PRKN: variants seen among roughly 807,000 people sequenced by gnomAD.
The protein encoded by PRKN is parkin RBR E3 ubiquitin protein ligase.
In PRKN, 56 loss-of-function variants were observed where a neutral mutation model predicts 59.5. The observed-to-expected ratio is 0.94, with a 90% CI of 0.76 to 1.18. The LOEUF (loss-of-function observed/expected upper bound fraction) is 1.18, where lower values mean the gene tolerates loss of function less well. Among genes scored for constraint, PRKN ranks in the 50% most tolerant of loss-of-function variants. The pLI is 0.00. For missense variants in PRKN, 657 were observed against 596.4 expected, an observed-to-expected ratio of 1.10 and a Z score of -1.06; for synonymous variants, 250 against 222.1, an observed-to-expected ratio of 1.13 and a Z score of -1.12.
At position 162,607,986 on chromosome 6, in the gene PRKN, A is replaced by G. The variant is rs138816003; in HGVS notation, c.7+119676T>C. 1.8e-4 allele frequency among the ~76,000 whole-genome samples: 27 copies of G among 152,354 alleles called. 1 individual carries two copies. The East Asian group carries it at 5.2e-3, about 29-fold the overall frequency. On this transcript the variant is annotated intron_variant, in intron 1 of 11. Coordinates refer to ENST00000366898, the MANE Select transcript of PRKN (RefSeq NM_004562.3). The stretch of plus-strand genomic sequence containing the variant: ...TTGAAGCTGGTGTTCAAACATTAAC[A>G]TAGAGCCAATTTGTCCTCTTGGGCG...
chr6:162,446,786 C>G (rs9364659), intron 1 of PRKN, among the ~76,000 whole-genome samples: 11,887 of 152,124 alleles, frequency 0.078, 485 homozygotes, highest in South Asian at 0.14. Context: ...TGGGTCTCAA[C>G]CTTTTTCTGA....
At chr6:162,386,065 G>T (rs1321647116) in intron 2 of PRKN, among the ~76,000 whole-genome samples, 1 of 152,062 alleles carries the variant, frequency 6.6e-6, no homozygotes, top group Non-Finnish European at 1.5e-5. Context: ...CTATGCAGAT[G>T]CAGGATACAT....
At chr6:162,623,413 A>G (rs1218112859) in intron 1 of PRKN, among the ~76,000 whole-genome samples, 1 of 152,234 alleles carries the variant, frequency 6.6e-6, no homozygotes, top group African/African-American at 2.4e-5. Flanking sequence ...TCCAGAATTT[A>G]AAGTTCGTTT....
rs1782782052 is a variant in PRKN, at chr6:162,317,069, C to T, written c.172-54304G>A. On this transcript the variant is annotated intron_variant, in intron 2 of 11. Transcript: ENST00000366898. ...GAGAGTAGGCTTATTCACATATATT[C>T]TCTAAATTTATGTCATTTCATTCAA... 2.0e-5 allele frequency among the ~76,000 whole-genome samples: 3 copies of T among 151,620 alleles called. No homozygotes were observed. The South Asian group carries it at 6.2e-4, about 32-fold the overall frequency.
chr6:161,814,553 A>G (rs1347305267), intron 6 of PRKN, among the ~76,000 whole-genome samples: 1 of 152,076 alleles, frequency 6.6e-6, no homozygotes, highest in Non-Finnish European at 1.5e-5. Flanking sequence ...CCCAGGCTGG[A>G]GTGCAATGGC....
chr6:161,868,531 A>T (rs929468336), intron 6 of PRKN, among the ~76,000 whole-genome samples: 1 of 152,152 alleles, frequency 6.6e-6, no homozygotes, highest in Non-Finnish European at 1.5e-5. Context: ...CAGTGAGCTG[A>T]GATCACACCA....
At chr6:161,425,400 C>T (rs9458245) in intron 9 of PRKN, among the ~76,000 whole-genome samples, 1,820 of 152,304 alleles carry the variant, frequency 0.012, 16 homozygotes, top group Non-Finnish European at 0.019. Flanking sequence ...TGAAAGTTCA[C>T]AGTACTTGTT....
rs553123484 is a variant in PRKN, at chr6:162,453,235, A to G, written c.8-9762T>C. 1.2e-4 allele frequency among the ~76,000 whole-genome samples: 18 copies of G among 152,226 alleles called. No homozygotes were observed. In the South Asian group the frequency reaches 3.7e-3, roughly 32 times the overall value. ...GAGACCCTGGTCTTAGAACATAGCA[A>G]CTGATGAGGACATCGCGCATAGCCT... On this transcript the variant is annotated intron_variant, in intron 1 of 11. Transcript: ENST00000366898.
chr6:162,262,329 A>C (rs1158511119), intron 3 of PRKN, 196 bp downstream of exon 3: 1 of 706,272 alleles, frequency 1.4e-6, no homozygotes, highest in African/African-American at 1.7e-5. Flanking sequence ...CCTGTTTCAT[A>C]GTACTTACAA....
intron 1 of PRKN, among the ~76,000 whole-genome samples, chr6:162,652,754 A>C (rs979609469): frequency 2.6e-5 from 4 of 152,126 alleles, no homozygotes; most frequent in African/African-American, 9.7e-5. Flanking sequence ...AGCCTGGGCA[A>C]CAGCTGACTG....
chr6:162,175,566 C>CA (rs2128321141), intron 4 of PRKN, among the ~76,000 whole-genome samples: 1 of 152,274 alleles, frequency 6.6e-6, no homozygotes, highest in African/African-American at 2.4e-5. Flanking sequence ...ATGGTATATG[C>CA]AATAGAAGCT....
intron 2 of PRKN, among the ~76,000 whole-genome samples, chr6:162,431,185 A>T (rs1356218600): frequency 2.0e-4 from 30 of 150,920 alleles, no homozygotes; most frequent in African/African-American, 5.7e-4. Context: ...TTGCTAAAAA[A>T]AAAAAGAAAA....
At chr6:162,045,359 A>G (rs1370931505) in intron 5 of PRKN, among the ~76,000 whole-genome samples, 2 of 152,198 alleles carry the variant, frequency 1.3e-5, no homozygotes, top group Non-Finnish European at 2.9e-5. Context: ...TCACCACTGA[A>G]GTTATTTTCC....
chr6:161,376,573 T>A lies in PRKN; in HGVS notation c.1167+10221A>T, dbSNP rs1162381317. Among the ~76,000 whole-genome samples, 2 of 152,270 alleles carry A rather than the reference T, an allele frequency of 1.3e-5. No homozygotes were observed. Among genetic ancestry groups the A allele is most frequent in the East Asian group, 3.9e-4 (2 of 5,166 alleles). On this transcript the variant is annotated intron_variant, in intron 10 of 11. Coordinates refer to ENST00000366898, the MANE Select transcript of PRKN (RefSeq NM_004562.3). This position sits in a 1 kb window ranked among gnomAD's most constrained non-coding sequence, Gnocchi z 7.3. ...TTCCTGGTGCCTGGTGTGTCTCTGG[T>A]TTGGCCCTTTTAGGGGGTGCTCTGC...
At chr6:161,910,500 C>A (rs1240430387) in intron 6 of PRKN, among the ~76,000 whole-genome samples, 1 of 152,132 alleles carries the variant, frequency 6.6e-6, no homozygotes, top group Admixed American at 6.5e-5. Flanking sequence ...GGTGACCCAC[C>A]CAGCTCAGCC....
intron 4 of PRKN, among the ~76,000 whole-genome samples, chr6:162,169,252 G>A (rs569748645): frequency 3.3e-5 from 5 of 152,166 alleles, no homozygotes; most frequent in African/African-American, 9.7e-5. Context: ...CAGTTCTAAC[G>A]TGTTTTATTA....
At chr6:161,722,293 T>G (rs1562632686) in intron 7 of PRKN, among the ~76,000 whole-genome samples, 1 of 152,178 alleles carries the variant, frequency 6.6e-6, no homozygotes, top group South Asian at 2.1e-4. Context: ...TTTACGTAAC[T>G]GGATTCATAA....
chr6:161,628,340 A>G (rs1783170711), intron 7 of PRKN, among the ~76,000 whole-genome samples: 1 of 152,146 alleles, frequency 6.6e-6, no homozygotes, highest in Non-Finnish European at 1.5e-5. Context: ...GATCAAGGTG[A>G]TGGTGGAGTC....
At chr6:162,137,689 G>C (rs1781605746) in intron 4 of PRKN, among the ~76,000 whole-genome samples, 1 of 152,188 alleles carries the variant, frequency 6.6e-6, no homozygotes, top group East Asian at 1.9e-4. Flanking sequence ...AATGGCAAGA[G>C]AGAGCAAAGG....
Sources: allele counts gnomAD v4.1 joint callset (sites outside exome capture counted in the v4.1 genomes callset), GRCh38; gene constraint gnomAD v4.1.1; non-coding constraint Gnocchi (gnomAD v3.1); transcripts MANE v1.5; gene names NCBI Gene and HGNC (gene_info 2026-07-23, HGNC 2026-07-21).